The following MYZAP variants were observed in gnomAD, a reference collection of about 807,000 sequenced individuals.
The protein encoded by MYZAP is myocardial zonula adherens protein.
In MYZAP, 66 loss-of-function variants were observed where a neutral mutation model predicts 69.4. The observed-to-expected ratio is 0.95, with a 90% confidence interval of 0.78 to 1.17. The LOEUF is 1.17. Among genes scored for constraint, MYZAP ranks in the 50% most tolerant of loss-of-function variants. MYZAP has a pLI of 0.00. For synonymous variants in MYZAP, 256 were observed against 205.9 expected, an observed-to-expected ratio of 1.24 and a Z score of -2.09; for missense variants, 611 against 556.2, an observed-to-expected ratio of 1.10 and a Z score of -0.99.
Position 57,674,972 on chromosome 15 carries a change from A to G in MYZAP, c.1208A>G (p.Asn403Ser), listed in dbSNP as rs1422746973. 1.2e-5 allele frequency: 20 copies of G among 1,611,640 alleles called. No homozygotes were observed. Among genetic ancestry groups the G allele is most frequent in the Non-Finnish European group, 1.7e-5 (20 of 1,179,092 alleles). ...ACCTTTTTTTCTCATCTCCAGAATA[A>G]TGAACTACAAAGCAGGTTGGACTAT... ...EKISFLEGEN[N>S]ELQSRLDYLT... is the part of the protein sequence containing the mutation. The change falls in exon 12 of 13, where the codon AAT becomes AGT. Residue 403 changes from asparagine to serine, a missense_variant. By Grantham distance (46) the Asn-to-Ser change is conservative. Coordinates refer to ENST00000267853, the MANE Select transcript of MYZAP (RefSeq NM_001018100.5).
intron 10 of MYZAP, among the ~76,000 whole-genome samples, chr15:57,656,949 A>G (rs2038039596): frequency 1.3e-5 from 2 of 152,116 alleles, no homozygotes; most frequent in African/African-American, 2.4e-5. Flanking sequence ...CCCAGAACCA[A>G]GTGTCTCTCC....
intron 10 of MYZAP, among the ~76,000 whole-genome samples, chr15:57,640,161 A>G (rs2037065763): frequency 1.3e-5 from 2 of 152,188 alleles, no homozygotes; most frequent in Non-Finnish European, 2.9e-5. Context: ...TTTTTTCTAA[A>G]TGAGAAAACG....
chr15:57,653,826 G>C (rs1052032874), intron 10 of MYZAP, among the ~76,000 whole-genome samples: 19 of 151,532 alleles, frequency 1.3e-4, no homozygotes, highest in East Asian at 3.9e-4. Flanking sequence ...GTAACATAGC[G>C]AGACCCTGTC....
chr15:57,638,543 G>C (rs530703563), intron 9 of MYZAP, among the ~76,000 whole-genome samples: 11 of 152,300 alleles, frequency 7.2e-5, no homozygotes, highest in African/African-American at 2.4e-4. Flanking sequence ...AGGCTTGCTA[G>C]TCATTAACAT....
intron 12 of MYZAP, among the ~76,000 whole-genome samples, chr15:57,683,595 G>C (rs1184176074): frequency 3.9e-5 from 6 of 152,060 alleles, no homozygotes; most frequent in African/African-American, 1.4e-4. Flanking sequence ...GTCTGTTCTG[G>C]CTGCCATAAC....
At chr15:57,597,296 A>C (rs1334594060) in intron 1 of MYZAP, among the ~76,000 whole-genome samples, 1 of 152,222 alleles carries the variant, frequency 6.6e-6, no homozygotes, top group Non-Finnish European at 1.5e-5. Context: ...TAAAATAGCC[A>C]TGTCGAGGCC....
chr15:57,600,774 A>T (rs1595850344), intron 1 of MYZAP, among the ~76,000 whole-genome samples: 7 of 152,204 alleles, frequency 4.6e-5, no homozygotes, highest in Non-Finnish European at 1.0e-4. Flanking sequence ...GATGATGATA[A>T]TATCTAGATA....
intron 2 of MYZAP, among the ~76,000 whole-genome samples, chr15:57,615,766 C>T (rs2035396650): frequency 6.6e-6 from 1 of 152,128 alleles, no homozygotes; most frequent in Non-Finnish European, 1.5e-5. Flanking sequence ...CAAACTTAAG[C>T]ACAAATGTAA....
intron 10 of MYZAP, among the ~76,000 whole-genome samples, chr15:57,660,487 T>G (rs1396866039): frequency 6.6e-6 from 1 of 151,954 alleles, no homozygotes; most frequent in Non-Finnish European, 1.5e-5. Context: ...GCTAATTTTT[T>G]GATTTTTTGT....
intron 12 of MYZAP, among the ~76,000 whole-genome samples, chr15:57,684,128 A>C (rs998661654): frequency 1.4e-5 from 1 of 69,234 alleles, no homozygotes; most frequent in Admixed American, 1.4e-4. Flanking sequence ...AATCCCATTC[A>C]TGAGGGCTCC....
At chr15:57,630,391 T>G (rs1449667614) in intron 6 of MYZAP, among the ~76,000 whole-genome samples, 2 of 152,250 alleles carry the variant, frequency 1.3e-5, no homozygotes, top group Non-Finnish European at 2.9e-5. Flanking sequence ...ACGCTTGGGA[T>G]GCCCACAGAT....
At chr15:57,614,224 T>C (rs1306545472) in intron 2 of MYZAP, among the ~76,000 whole-genome samples, 3 of 152,232 alleles carry the variant, frequency 2.0e-5, no homozygotes, top group African/African-American at 4.8e-5. Context: ...AAGTTCCCTA[T>C]TCATTCAGCA....
At chr15:57,604,037 A>G (rs1336808640) in intron 1 of MYZAP, among the ~76,000 whole-genome samples, 1 of 152,184 alleles carries the variant, frequency 6.6e-6, no homozygotes, top group Non-Finnish European at 1.5e-5. Context: ...AGATCAAGTG[A>G]TTTGGTAGTT....
chr15:57,646,764 A>G (rs2037468181), intron 10 of MYZAP: 2 of 985,358 alleles, frequency 2.0e-6, no homozygotes, highest in African/African-American at 3.5e-5. Flanking sequence ...GACTCTTCTA[A>G]GAGGAGTTTA....
chr15:57,676,991 T>G (rs1402855885), intron 12 of MYZAP, among the ~76,000 whole-genome samples: 2 of 152,194 alleles, frequency 1.3e-5, no homozygotes, highest in Non-Finnish European at 2.9e-5. Flanking sequence ...ATATCCGTGT[T>G]TCCGAAAAGG....
intron 2 of MYZAP, among the ~76,000 whole-genome samples, chr15:57,612,948 C>T (rs6493935): frequency 0.47 from 70,112 of 150,156 alleles, 16,708 homozygotes; most frequent in South Asian, 0.56. Context: ...CTTTTTTTTT[C>T]CGAGACGGAG....
chr15:57,632,195 G>T (rs933848749), intron 6 of MYZAP, among the ~76,000 whole-genome samples: 39 of 152,208 alleles, frequency 2.6e-4, no homozygotes, highest in Admixed American at 1.5e-3. Flanking sequence ...CTCATGTGGA[G>T]CATACCTTTG....
intron 8 of MYZAP, among the ~76,000 whole-genome samples, chr15:57,634,787 C>G (rs995520841): frequency 2.6e-5 from 4 of 152,160 alleles, no homozygotes; most frequent in African/African-American, 9.7e-5. Context: ...ATTACAATCT[C>G]CCTTCTACCC....
At chr15:57,612,654 G>A (rs1690332) in intron 2 of MYZAP, among the ~76,000 whole-genome samples, 1 of 152,054 alleles carries the variant, frequency 6.6e-6, no homozygotes, top group Admixed American at 6.5e-5. Flanking sequence ...CCTTGTTAAC[G>A]CAGACTCTTC....
Sources: allele counts gnomAD v4.1 joint callset (sites outside exome capture counted in the v4.1 genomes callset), GRCh38; gene constraint gnomAD v4.1.1; transcripts MANE v1.5; gene names NCBI Gene and HGNC (gene_info 2026-07-23, HGNC 2026-07-21).